The following ATL1 variants were observed in gnomAD, a reference collection of about 807,000 sequenced individuals.
ATL1 encodes atlastin GTPase 1.
A neutral mutation model predicts 75.5 loss-of-function variants in ATL1; 31 were observed. The ratio of observed to expected loss-of-function variants is 0.41; its 90% CI spans 0.31 to 0.55. ATL1 has a LOEUF of 0.55. Among genes scored for constraint, ATL1 ranks in the 20% least tolerant of loss-of-function variants. ATL1 has a pLI of 0.27. For synonymous variants in ATL1, 226 were observed against 233.3 expected, an observed-to-expected ratio of 0.97 and a Z score of 0.28; for missense variants, 405 against 662.6, an observed-to-expected ratio of 0.61 and a Z score of 4.27.
chr14:50,535,643 G>A lies in ATL1; in HGVS notation c.-140+2276G>A, dbSNP rs553396137. 2.0e-5 allele frequency among the ~76,000 whole-genome samples: 3 copies of A among 152,278 alleles called. No individual in the cohort carries two copies. In the South Asian group the frequency reaches 6.2e-4, roughly 32 times the overall value. On this transcript the variant is annotated intron_variant, in intron 1 of 13. Coordinates refer to the ATL1 transcript ENST00000441560. ...GCATAAACCATGTTTTCCAAATATA[G>A]GGCAATTTTTATATAATTTGTTCTG...
At chr14:50,542,676 TA>T (rs2038581093) in intron 1 of ATL1, 1 of 152,132 alleles carries the variant, frequency 6.6e-6, no homozygotes, top group Non-Finnish European at 1.5e-5. Context: ...CCATTATCTA[TA>T]GGCTCATAGC....
chr14:50,568,452 T>C (rs1328368791), intron 1 of ATL1, among the ~76,000 whole-genome samples: 4 of 152,324 alleles, frequency 2.6e-5, no homozygotes, highest in African/African-American at 9.6e-5. Flanking sequence ...TCTGTGGTTT[T>C]TTAAAGGCTA....
At chr14:50,597,298 A>G (rs779441857) in intron 6 of ATL1, among the ~76,000 whole-genome samples, 2 of 151,988 alleles carry the variant, frequency 1.3e-5, no homozygotes, top group South Asian at 4.1e-4. Flanking sequence ...TATAAAAGCT[A>G]TATGTCTCAG....
intron 8 of ATL1, among the ~76,000 whole-genome samples, chr14:50,616,366 A>T (rs1316124600): frequency 1.3e-5 from 2 of 152,140 alleles, no homozygotes; most frequent in Admixed American, 1.3e-4. Context: ...GTGTGAACAT[A>T]GCTCACTGCA....
chr14:50,534,503 A>C (rs1393735478), intron 1 of ATL1, among the ~76,000 whole-genome samples: 1 of 152,234 alleles, frequency 6.6e-6, no homozygotes, highest in Non-Finnish European at 1.5e-5. Flanking sequence ...ACAATCCTTT[A>C]AGCATGTTAT....
At chr14:50,539,298 G>A (rs1356133073) in intron 1 of ATL1, among the ~76,000 whole-genome samples, 1 of 152,154 alleles carries the variant, frequency 6.6e-6, no homozygotes, top group Admixed American at 6.5e-5. Flanking sequence ...TGCTGTAACA[G>A]TGAGGTTTAC....
intron 1 of ATL1, among the ~76,000 whole-genome samples, chr14:50,580,855 T>C (rs573967123): frequency 6.4e-4 from 98 of 152,178 alleles, no homozygotes; most frequent in African/African-American, 2.3e-3. Context: ...ATGAAGGTTT[T>C]AAATTATGAA....
chr14:50,548,752 C>T (rs578224724), intron 1 of ATL1, among the ~76,000 whole-genome samples: 28 of 152,116 alleles, frequency 1.8e-4, no homozygotes, highest in Admixed American at 9.8e-4. Flanking sequence ...CCTTGTGATC[C>T]GCCTGCCTCA....
intron 4 of ATL1, among the ~76,000 whole-genome samples, chr14:50,593,457 GATTA>G (rs2039182584): frequency 6.6e-6 from 1 of 152,068 alleles, no homozygotes; most frequent in African/African-American, 2.4e-5. Flanking sequence ...TAAATAAAAT[GATTA>G]ATTGTGAAGA....
intron 1 of ATL1, among the ~76,000 whole-genome samples, chr14:50,552,961 C>A (rs2038721131): frequency 6.6e-6 from 1 of 152,042 alleles, no homozygotes; most frequent in South Asian, 2.1e-4. Context: ...GCAAAGAATT[C>A]ATGACTAAGA....
intron 8 of ATL1, among the ~76,000 whole-genome samples, chr14:50,616,218 C>CA (rs762297054): frequency 6.6e-6 from 1 of 152,078 alleles, no homozygotes; most frequent in Non-Finnish European, 1.5e-5. Context: ...GGGCTGGTCT[C>CA]AAACTTCTGG....
chr14:50,630,573 C>A (rs1044269490), intron 13 of ATL1, among the ~76,000 whole-genome samples: 1 of 152,120 alleles, frequency 6.6e-6, no homozygotes, highest in Admixed American at 6.5e-5. Flanking sequence ...CTCTAGGCAT[C>A]CACGAAGGAA....
chr14:50,546,330 A>G (rs773759796), intron 1 of ATL1, among the ~76,000 whole-genome samples: 2 of 152,084 alleles, frequency 1.3e-5, no homozygotes, highest in African/African-American at 2.4e-5. Context: ...TTATAATACT[A>G]TCTCATGGCT....
chr14:50,550,890 A>T (rs6572674), intron 1 of ATL1, among the ~76,000 whole-genome samples: 1 of 152,106 alleles, frequency 6.6e-6, no homozygotes, highest in African/African-American at 2.4e-5. Context: ...TGGGATACAG[A>T]AAAAATGGTG....
intron 1 of ATL1, among the ~76,000 whole-genome samples, chr14:50,565,309 AAAAC>A (rs1052771234): frequency 2.0e-5 from 3 of 151,728 alleles, no homozygotes; most frequent in African/African-American, 7.3e-5. Flanking sequence ...AAATAAATAA[AAAAC>A]AAACAAAAAA....
At chr14:50,575,883 T>C (rs1194172577) in intron 1 of ATL1, among the ~76,000 whole-genome samples, 3 of 152,180 alleles carry the variant, frequency 2.0e-5, no homozygotes, top group Admixed American at 2.0e-4. Flanking sequence ...CTAAATTCAG[T>C]AGCTGAGTGC....
At chr14:50,629,022 T>A (rs1206438556) in intron 12 of ATL1, among the ~76,000 whole-genome samples, 1 of 152,222 alleles carries the variant, frequency 6.6e-6, no homozygotes, top group Admixed American at 6.5e-5. Flanking sequence ...CTACTTTTTA[T>A]TATTCTAAAA....
chr14:50,628,394 C>G lies in ATL1; in HGVS notation c.1483C>G (p.Arg495Gly). 1 of 1,614,094 alleles carries G rather than the reference C, an allele frequency of 6.2e-7. No individual in the cohort carries two copies. The highest frequency in any genetic ancestry group is 1.1e-5 in the South Asian group (1 of 91,072). ...CACCCTGTGCACTTGGGCATATATC[C>G]GGTACTCTGGAGAATACCGAGAGCT... ...LITLCTWAYI[R>G]YSGEYRELGA... The change falls in exon 12 of 14, where the codon CGG becomes GGG. Residue 495 changes from arginine to glycine, a missense_variant. By Grantham distance (125) the Arg-to-Gly change is moderately radical. Transcript: ENST00000358385.
rs768367744 is a variant in ATL1, at chr14:50,613,316, G to A, written c.688G>A (p.Asp230Asn). The A allele has an allele frequency of 1.4e-5, 22 of 1,613,092 alleles. No individual in the cohort carries two copies. The highest frequency in any genetic ancestry group is 2.7e-5 in the African/African-American group (2 of 74,856). Residue 230 changes from aspartate to asparagine, a missense_variant, in exon 7 of 14, where the codon GAT (aspartate) becomes AAT (asparagine). This residue lies in a region of ATL1 where 59 missense variants were observed against 161.4 expected (regional missense o/e 0.37). Coordinates refer to ENST00000358385, the MANE Select transcript of ATL1 (RefSeq NM_015915.5). ...SFPYEFSYGA[D>N]GGAKFLEKRL... is the part of the protein sequence containing the mutation. ...CCCATACGAATTTTCATATGGAGCC[G>A]ATGGTGGTGCCAAATTCTTGGAAAA...
Sources: allele counts gnomAD v4.1 joint callset (sites outside exome capture counted in the v4.1 genomes callset), GRCh38; gene constraint gnomAD v4.1.1; regional missense constraint gnomAD v4.1.1; transcripts MANE v1.5; gene names NCBI Gene and HGNC (gene_info 2026-07-23, HGNC 2026-07-21).